The following SSBP3 variants were observed in gnomAD, a reference collection of about 807,000 sequenced individuals.
SSBP3 encodes single-stranded DNA-binding protein 3.
A neutral mutation model predicts 69.6 loss-of-function variants in SSBP3; 5 were observed. The ratio of observed to expected loss-of-function variants is 0.07; its 90% CI spans 0.04 to 0.15. The LOEUF is 0.15. SSBP3 is among the 10% of genes least tolerant of loss of function. The probability of loss-of-function intolerance (pLI) is 1.00; values close to 1 mark genes in which losing one functional copy is unlikely to be tolerated. For missense variants in SSBP3, 312 were observed against 534.0 expected (o/e 0.58, Z 4.10); for synonymous variants, 196 against 193.4 (o/e 1.01, Z -0.11).
At chr1:54,339,327 T>C (rs1646565848) in intron 4 of SSBP3, among the ~76,000 whole-genome samples, 1 of 152,218 alleles carries the variant, frequency 6.6e-6, no homozygotes, top group Admixed American at 6.5e-5. Context: ...AGCAGATTCT[T>C]GGCAGACACA....
chr1:54,321,501 G>A (rs1290228816), intron 4 of SSBP3, among the ~76,000 whole-genome samples: 2 of 152,162 alleles, frequency 1.3e-5, no homozygotes, highest in African/African-American at 2.4e-5. Context: ...TTCCACAAAC[G>A]CAACAAAGGC....
intron 4 of SSBP3, among the ~76,000 whole-genome samples, chr1:54,371,582 C>G (rs180857994): frequency 3.2e-4 from 49 of 152,282 alleles, no homozygotes; most frequent in African/African-American, 1.1e-3. Flanking sequence ...CTCTCCACCC[C>G]CAAGCTACCG....
At chr1:54,278,343 G>A (rs1315406323) in intron 5 of SSBP3, among the ~76,000 whole-genome samples, 4 of 151,328 alleles carry the variant, frequency 2.6e-5, no homozygotes, top group Non-Finnish European at 4.4e-5. Context: ...TTTTTTTAAA[G>A]GTGAGGTGTG....
intron 13 of SSBP3, among the ~76,000 whole-genome samples, chr1:54,240,122 AACACATG>A (rs1644602193): frequency 2.6e-5 from 2 of 78,038 alleles, no homozygotes; most frequent in Admixed American, 2.4e-4. Context: ...GCGCGCGCGC[AACACATG>A]CCCACGTATG....
At chr1:54,238,200 C>G (rs1292548974) in intron 14 of SSBP3, 1 of 471,096 alleles carries the variant, frequency 2.1e-6, no homozygotes, top group South Asian at 1.5e-5. Context: ...GCAGCCCGCG[C>G]TCGGGGTTTA....
chr1:54,252,985 G>GA (rs1415718739), intron 7 of SSBP3, among the ~76,000 whole-genome samples: 12 of 152,094 alleles, frequency 7.9e-5, no homozygotes, highest in African/African-American at 2.9e-4. Context: ...CTCCTGCCTT[G>GA]AGCTCAATAG....
intron 4 of SSBP3, among the ~76,000 whole-genome samples, chr1:54,389,577 G>A (rs2100759848): frequency 6.6e-6 from 1 of 152,184 alleles, no homozygotes; most frequent in Non-Finnish European, 1.5e-5. Context: ...GCCAAATCTG[G>A]GCCAGGCACA....
At chr1:54,279,837 G>A (rs1645358881) in intron 5 of SSBP3, among the ~76,000 whole-genome samples, 1 of 152,192 alleles carries the variant, frequency 6.6e-6, no homozygotes, top group Non-Finnish European at 1.5e-5. Context: ...TCTGGCTACT[G>A]CCTTTCTTGG....
chr1:54,240,107 T>TGTGTGTGA (rs1553123256), intron 13 of SSBP3, among the ~76,000 whole-genome samples: 1 of 134,574 alleles, frequency 7.4e-6, no homozygotes, highest in African/African-American at 3.0e-5. Context: ...CGCGTGTGCG[T>TGTGTGTGA]GCGCGCGCGC....
At chr1:54,281,346 G>A (rs1168953374) in intron 5 of SSBP3, 92 bp downstream of exon 5, 6 of 1,010,894 alleles carry the variant, frequency 5.9e-6, no homozygotes, top group Non-Finnish European at 8.7e-6. Flanking sequence ...ATGGCAAACT[G>A]AGCTACTTAC....
chr1:54,361,968 C>CT (rs1280705307), intron 4 of SSBP3, among the ~76,000 whole-genome samples: 3 of 152,178 alleles, frequency 2.0e-5, no homozygotes, highest in Non-Finnish European at 4.4e-5. Flanking sequence ...CAGAAAGAGA[C>CT]TGGAGGCGTA....
At chr1:54,240,550 G>C (rs1012863452) in intron 13 of SSBP3, among the ~76,000 whole-genome samples, 3 of 151,258 alleles carry the variant, frequency 2.0e-5, no homozygotes, top group Admixed American at 6.6e-5. Flanking sequence ...TCCAAAGGTA[G>C]CATGCCTCAG....
At chr1:54,330,373 T>G (rs918050332) in intron 4 of SSBP3, among the ~76,000 whole-genome samples, 1 of 152,180 alleles carries the variant, frequency 6.6e-6, no homozygotes, top group African/African-American at 2.4e-5. Flanking sequence ...GAGCAAATAC[T>G]GTGCCCAGGG....
Position 54,242,144 on chromosome 1 carries a change from C to T in SSBP3, c.765+20G>A. ...ACCGCTCCCCTGACAAACACCACCCCACCCGACCCAGGTACTCACTGAGTT... is the reference window on the plus strand; with the variant it reads ...ACCGCTCCCCTGACAAACACCACCCTACCCGACCCAGGTACTCACTGAGTT... On this transcript the variant is annotated intron_variant, in intron 11 of 17. Coordinates refer to ENST00000610401, the Ensembl canonical transcript of SSBP3. The T allele has an allele frequency of 6.2e-7, 1 of 1,612,290 alleles. No homozygotes were observed.
At chr1:54,228,255 A>G (rs1644321446) in exon 17 of SSBP3, 1 of 1,613,664 alleles carries the variant, frequency 6.2e-7, no homozygotes, top group East Asian at 2.2e-5. Flanking sequence ...CGAGGCTTAC[A>G]TTGTCGTTCT....
upstream of SSBP3, among the ~76,000 whole-genome samples, chr1:54,409,121 G>C (rs1649924592): frequency 6.6e-6 from 1 of 152,158 alleles, no homozygotes; most frequent in Non-Finnish European, 1.5e-5. Context: ...CAAGGCCCCA[G>C]TCTACCTTTC....
chr1:54,352,141 C>T (rs1360544150), intron 4 of SSBP3, among the ~76,000 whole-genome samples: 1 of 151,944 alleles, frequency 6.6e-6, no homozygotes, highest in Non-Finnish European at 1.5e-5. Flanking sequence ...ACAAAACAAA[C>T]AACAACAACA....
At chr1:54,289,046 A>AC (rs1569634924) in intron 4 of SSBP3, among the ~76,000 whole-genome samples, 2 of 43,964 alleles carry the variant, frequency 4.5e-5, no homozygotes, top group South Asian at 5.3e-4. Context: ...ACAAAAAAAC[A>AC]AAAAAAAAAA....
At chr1:54,349,784 C>G (rs1646752776) in intron 4 of SSBP3, among the ~76,000 whole-genome samples, 1 of 152,056 alleles carries the variant, frequency 6.6e-6, no homozygotes, top group South Asian at 2.1e-4. Context: ...CCCGCTTCAG[C>G]TGGGATTCAT....
Sources: gnomAD v4.1 joint callset for allele counts (sites outside exome capture counted in the v4.1 genomes callset) on GRCh38, gnomAD v4.1.1 for gene constraint, MANE v1.5 for transcripts, NCBI Gene and HGNC (gene_info 2026-07-23, HGNC 2026-07-21) for gene names.